MGAM: variants seen among roughly 807,000 people sequenced by gnomAD.
MGAM encodes the protein maltase-glucoamylase.
Under a neutral mutation model 358.8 loss-of-function variants are expected in MGAM, and 253 were observed. The observed-to-expected ratio is 0.71, with a 90% confidence interval of 0.64 to 0.78. The LOEUF (loss-of-function observed/expected upper bound fraction) is 0.78. Ranked by LOEUF, MGAM falls within the 30% of genes least tolerant of loss-of-function variation. The probability of loss-of-function intolerance (pLI) is 0.00; values close to 1 mark genes in which losing one functional copy is unlikely to be tolerated. For missense variants in MGAM, 3,080 were observed against 3,432.6 expected (o/e 0.90, Z 2.57); for synonymous variants, 1,105 against 1,227.1 (o/e 0.90, Z 2.08).
chr7:142,083,649 G>T lies in MGAM; in HGVS notation c.6381+236G>T, dbSNP rs528580732. 6.1e-5 allele frequency among the ~76,000 whole-genome samples: 9 copies of T among 146,394 alleles called. 1 individual carries two copies. In the South Asian group the frequency reaches 1.3e-3, roughly 21 times the overall value. On this transcript the variant is annotated intron_variant, in intron 53 of 70. Transcript: ENST00000475668. ...ACTAGTGGTGGTGATGGTAGTGATA[G>T]TAGTATGGTGGTGGTGGTATTTGTG...
intron 68 of MGAM, among the ~76,000 whole-genome samples, 184 bp from the exon 69 acceptor site, chr7:142,102,446 T>C (rs576242550): frequency 3.9e-5 from 6 of 152,314 alleles, no homozygotes; most frequent in African/African-American, 1.4e-4. Context: ...CAGGGTTTGA[T>C]TAGTCTCCAT....
At chr7:142,038,065 C>T (rs192381933) in intron 18 of MGAM, among the ~76,000 whole-genome samples, 2 of 152,216 alleles carry the variant, frequency 1.3e-5, no homozygotes, top group East Asian at 3.9e-4. Flanking sequence ...CACTACCCTT[C>T]CCAGCCTCTG....
chr7:142,048,213 C>T lies in MGAM; in HGVS notation c.2587+340C>T, dbSNP rs181485099. Among the ~76,000 whole-genome samples, 513 of 151,476 alleles carry T rather than the reference C, an allele frequency of 3.4e-3. 4 individuals carry two copies. The highest frequency in any genetic ancestry group is 0.011 in the African/African-American group (462 of 41,238). ...TGTTGCCCAGGCTGGAGTGCAGTGG[C>T]GCGATCTCGGCTCACTGCAACCTCT... is the stretch of plus-strand genomic sequence containing the variant. On this transcript the variant is annotated intron_variant, in intron 22 of 70. Transcript: ENST00000475668.
chr7:141,991,604 T>A (rs1803952082), upstream of MGAM, among the ~76,000 whole-genome samples: 2 of 152,034 alleles, frequency 1.3e-5, no homozygotes, highest in African/African-American at 4.8e-5. Context: ...GCCCAGCTAA[T>A]TTTTGTATTT....
intron 4 of MGAM, among the ~76,000 whole-genome samples, chr7:142,020,281 C>T (rs141477605): frequency 8.1e-4 from 123 of 151,998 alleles, no homozygotes; most frequent in African/African-American, 2.8e-3. Context: ...GATATAATCA[C>T]CTGTAATGCA....
chr7:142,060,409 G>A, intron 34 of MGAM, 36 bp downstream of exon 34: 1 of 1,607,396 alleles, frequency 6.2e-7, no homozygotes, highest in Non-Finnish European at 8.5e-7. Flanking sequence ...TGGAGTCAGG[G>A]TTTGTAGGCA....
chr7:142,097,725 G>C (rs1225924152), intron 66 of MGAM, 76 bp downstream of exon 66: 12 of 1,459,240 alleles, frequency 8.2e-6, no homozygotes, highest in Non-Finnish European at 1.1e-5. Context: ...ATAGACCTTA[G>C]GTCAAATGCT....
intron 21 of MGAM, among the ~76,000 whole-genome samples, chr7:142,043,980 A>G (rs1473129164): frequency 2.4e-5 from 3 of 125,814 alleles, no homozygotes; most frequent in Non-Finnish European, 4.8e-5. Flanking sequence ...ACGACGTATA[A>G]TATATACATT....
intron 7 of MGAM, among the ~76,000 whole-genome samples, chr7:142,022,981 GT>G (rs1194119524): frequency 1.3e-5 from 2 of 152,050 alleles, no homozygotes; most frequent in Non-Finnish European, 2.9e-5. Flanking sequence ...TTTCCACTTT[GT>G]TTTGACTGCT....
rs1805079812 is a variant in MGAM at position 142,005,510 on chromosome 7, G to A, written c.-2-19G>A. The A allele has an allele frequency of 6.8e-7, 1 of 1,478,228 alleles. No individual in the cohort carries two copies. Among genetic ancestry groups the A allele is most frequent in the African/African-American group, 1.4e-5 (1 of 69,428 alleles). 91.6% of individuals were successfully genotyped at this position (1,478,228 alleles called of 1,614,324 possible). ...GTAAATCAAATTCAAATCTAAAATT[G>A]TTTTCTCTTACATTTTAGAGATGGC... On this transcript the variant is annotated intron_variant, in intron 1 of 70. Coordinates refer to ENST00000475668, the MANE Select transcript of MGAM (RefSeq NM_001365693.1).
At chr7:142,072,143 TC>T (rs1189517191) in intron 44 of MGAM, among the ~76,000 whole-genome samples, 1 of 146,170 alleles carries the variant, frequency 6.8e-6, no homozygotes, top group Non-Finnish European at 1.5e-5. Context: ...AACTGGTTGC[TC>T]CCAGGCTTGA....
rs1814552848 is a variant in MGAM at position 142,083,968 on chromosome 7, T to C, written c.6382-551T>C. The stretch of plus-strand genomic sequence containing the variant: ...AATATGGTGGTGGTAGTGGTGGTGA[T>C]GGTGAAAATAGTGATGATGGTGGTG... On this transcript the variant is annotated intron_variant, in intron 53 of 70. Coordinates refer to ENST00000475668, the MANE Select transcript of MGAM (RefSeq NM_001365693.1). 1.4e-5 allele frequency among the ~76,000 whole-genome samples: 2 copies of C among 145,092 alleles called. 1 individual carries two copies. Among genetic ancestry groups the C allele is most frequent in the Non-Finnish European group, 3.1e-5 (2 of 64,032 alleles).
intron 44 of MGAM, 124 bp downstream of exon 44, chr7:142,071,242 C>T: frequency 8.4e-7 from 1 of 1,191,248 alleles, no homozygotes; most frequent in Non-Finnish European, 1.1e-6. Flanking sequence ...CTTGTTTTTT[C>T]TTTGTTTTGT....
Position 142,088,013 on chromosome 7 carries a change from G to T in MGAM, c.6810+1296G>T, listed in dbSNP as rs565653492. 2.0e-4 allele frequency among the ~76,000 whole-genome samples: 30 copies of T among 146,456 alleles called. 1 individual carries two copies. The highest frequency in any genetic ancestry group is 6.5e-4 in the African/African-American group (27 of 41,296). Reference sequence around the variant, plus strand: ...TATTCATGCCTTATCCAGATAAGCTGGTTTTCAGGGCAAGTGGTGAGTCCT... The same window carrying T: ...TATTCATGCCTTATCCAGATAAGCTTGTTTTCAGGGCAAGTGGTGAGTCCT... On this transcript the variant is annotated intron_variant, in intron 57 of 70. Transcript: ENST00000475668.
At chr7:142,059,146 G>C (rs1811840885) in intron 31 of MGAM, among the ~76,000 whole-genome samples, 1 of 152,166 alleles carries the variant, frequency 6.6e-6, no homozygotes, top group African/African-American at 2.4e-5. Context: ...GCCTCTTGGG[G>C]TAGGTCATCA....
chr7:142,098,776 T>C (rs1352211708), intron 66 of MGAM, among the ~76,000 whole-genome samples: 1 of 152,176 alleles, frequency 6.6e-6, no homozygotes, highest in East Asian at 1.9e-4. Context: ...TAACAGAAGA[T>C]GTCTTTGGTT....
At chr7:142,039,596 G>C (rs555397128) in intron 19 of MGAM, among the ~76,000 whole-genome samples, 1 of 152,230 alleles carries the variant, frequency 6.6e-6, no homozygotes, top group East Asian at 1.9e-4. Flanking sequence ...ACTATATCAA[G>C]AGTGGTCCTA....
upstream of MGAM, among the ~76,000 whole-genome samples, chr7:141,995,253 A>G (rs1381486619): frequency 5.3e-5 from 8 of 151,846 alleles, no homozygotes; most frequent in Non-Finnish European, 1.2e-4. Context: ...ACCAAAAAAA[A>G]AAAAAATCCC....
Position 142,032,885 on chromosome 7 carries a change from C to A in MGAM, c.1645C>A (p.Leu549Ile). The A allele has an allele frequency of 6.2e-7, 1 of 1,609,720 alleles. No individual in the cohort carries two copies. Among genetic ancestry groups the A allele is most frequent in the Non-Finnish European group, 8.5e-7 (1 of 1,177,616 alleles). The change falls in exon 14 of 71, where the codon CTA (leucine) becomes ATA (isoleucine). Residue 549 changes from leucine (L) to isoleucine (I), a missense_variant. Around this residue, in one of 5 missense-constraint regions of MGAM, gnomAD observed 1,816 missense variants for 1,840.5 expected, o/e 0.99. Transcript: ENST00000475668. ...GGTCTCAGGATGTTCCACAAACAAC[C>A]TAAATAATCCCCCATTCACTCCCAG... ...GSVSGCSTNN[L>I]NNPPFTPRIL...
Sources: allele counts gnomAD v4.1 joint callset (sites outside exome capture counted in the v4.1 genomes callset), GRCh38; gene constraint gnomAD v4.1.1; regional missense constraint gnomAD v4.1.1; transcripts MANE v1.5; gene names NCBI Gene and HGNC (gene_info 2026-07-23, HGNC 2026-07-21).